ADAMTS12: variants seen among roughly 807,000 people sequenced by gnomAD.
ADAMTS12 encodes A disintegrin and metalloproteinase with thrombospondin motifs 12.
ADAMTS12 carries 118 observed loss-of-function variants against 167.8 expected under a neutral mutation model. That is an observed-to-expected ratio of 0.70 (90% CI 0.61 to 0.82). The LOEUF is 0.82. ADAMTS12 is among the 40% of genes least tolerant of loss of function. The probability of loss-of-function intolerance (pLI) is 0.00; values close to 1 mark genes in which losing one functional copy is unlikely to be tolerated. For missense variants in ADAMTS12, 1,916 were observed against 1,998.8 expected, an observed-to-expected ratio of 0.96 and a Z score of 0.79; for synonymous variants, 704 against 716.9, an observed-to-expected ratio of 0.98 and a Z score of 0.29.
rs547023120 is a variant in ADAMTS12 at position 33,527,048 on chromosome 5, C to T, written c.*140G>A. On this transcript the variant is annotated 3_prime_UTR_variant, in exon 24 of 24. Transcript: ENST00000504830. ...GGGACATTCGGTGGCTAGAGGAACA[C>T]AATGGATTTTGTTTCATCATGACCC... 7.9e-5 allele frequency: 90 copies of T among 1,142,106 alleles called. 1 individual carries two copies. In the South Asian group the frequency reaches 1.3e-3, roughly 16 times the overall value. 70.7% of individuals were successfully genotyped at this position (1,142,106 alleles called of 1,614,324 possible).
chr5:33,740,402 G>A (rs898097564), intron 3 of ADAMTS12, among the ~76,000 whole-genome samples: 1 of 152,164 alleles, frequency 6.6e-6, no homozygotes, highest in African/African-American at 2.4e-5. Flanking sequence ...AAAATGTAGG[G>A]CTCCGGCCTG....
intron 19 of ADAMTS12, among the ~76,000 whole-genome samples, chr5:33,568,417 A>G (rs1056195437): frequency 6.6e-6 from 1 of 152,186 alleles, no homozygotes; most frequent in Middle Eastern, 3.2e-3. Flanking sequence ...ATGACCAATG[A>G]TGTTGATTAC....
At chr5:33,776,110 C>T (rs1412226864) in intron 2 of ADAMTS12, among the ~76,000 whole-genome samples, 2 of 152,092 alleles carry the variant, frequency 1.3e-5, no homozygotes. Context: ...AAATAGACAA[C>T]AATACAATAA....
chr5:33,682,313 A>G (rs917546025), intron 5 of ADAMTS12, among the ~76,000 whole-genome samples: 1 of 152,206 alleles, frequency 6.6e-6, no homozygotes, highest in East Asian at 1.9e-4. Context: ...GGAAGGGAGT[A>G]ATCAAGGTTC....
At chr5:33,613,317 A>G (rs1485969632) in intron 16 of ADAMTS12, among the ~76,000 whole-genome samples, 2 of 152,232 alleles carry the variant, frequency 1.3e-5, no homozygotes, top group African/African-American at 4.8e-5. Context: ...AGCCCCAAGT[A>G]TTCAGCAGGC....
At chr5:33,846,352 G>A (rs1748944273) in intron 2 of ADAMTS12, among the ~76,000 whole-genome samples, 1 of 152,044 alleles carries the variant, frequency 6.6e-6, no homozygotes, top group African/African-American at 2.4e-5. Flanking sequence ...TAAACATCAG[G>A]CTTTCACAGT....
At chr5:33,593,553 A>G (rs1383002236) in intron 17 of ADAMTS12, among the ~76,000 whole-genome samples, 1 of 152,206 alleles carries the variant, frequency 6.6e-6, no homozygotes, top group Non-Finnish European at 1.5e-5. Flanking sequence ...GCATTCTTAA[A>G]AAGTGCTAGT....
rs374198817 is a variant in ADAMTS12, at chr5:33,610,190, GAAC to G, written c.2527+4045_2527+4047del. ...GAATGAAACTCTGTCTCAAACAAAC[GAAC>G]AACAACAGCAACAACAAAAAAGAAA... On this transcript the variant is annotated intron_variant, in intron 16 of 23. Transcript: ENST00000504830. Among the ~76,000 whole-genome samples the G allele has an allele frequency of 2.5e-4, 38 of 151,622 alleles. No homozygotes were observed. In the East Asian group the frequency reaches 6.4e-3, roughly 25 times the overall value.
chr5:33,694,287 A>T (rs1742670287), intron 3 of ADAMTS12, among the ~76,000 whole-genome samples: 1 of 152,254 alleles, frequency 6.6e-6, no homozygotes, highest in African/African-American at 2.4e-5. Flanking sequence ...GTCTGACTTT[A>T]TAACAGAAAA....
chr5:33,643,212 A>C (rs1331949244), intron 10 of ADAMTS12, among the ~76,000 whole-genome samples, 166 bp downstream of exon 10: 2 of 152,204 alleles, frequency 1.3e-5, no homozygotes, highest in Non-Finnish European at 2.9e-5. Context: ...AAGCAGGTTC[A>C]CCAGGAGTGG....
intron 9 of ADAMTS12, among the ~76,000 whole-genome samples, chr5:33,646,534 C>A (rs947632316): frequency 6.6e-6 from 1 of 152,080 alleles, no homozygotes. Context: ...AGTTGGTAAC[C>A]ACACTCGCCC....
chr5:33,849,769 T>C (rs950170098), intron 2 of ADAMTS12, among the ~76,000 whole-genome samples: 1 of 150,064 alleles, frequency 6.7e-6, no homozygotes, highest in African/African-American at 2.4e-5. Context: ...TATATATGTA[T>C]TGCATAGCAA....
intron 23 of ADAMTS12, 93 bp downstream of exon 23, chr5:33,534,740 G>A (rs529565054): frequency 1.4e-6 from 2 of 1,468,156 alleles, no homozygotes; most frequent in Non-Finnish European, 1.8e-6. Flanking sequence ...TTTCTATTCA[G>A]TAAAAGAAAT....
At chr5:33,689,215 C>T (rs1742460286) in intron 3 of ADAMTS12, among the ~76,000 whole-genome samples, 2 of 152,220 alleles carry the variant, frequency 1.3e-5, no homozygotes, top group South Asian at 2.1e-4. Context: ...ATCTTATTGT[C>T]ATTTTAAAAT....
rs1222045106 is a variant in ADAMTS12, at chr5:33,681,919, G to T, written c.915+1099C>A. On this transcript the variant is annotated intron_variant, in intron 5 of 23. Transcript: ENST00000504830. ...GGTCACAGCAAGAAATTTTGAATTTGTTCTAAAAAAAACCCAGAAAGACAT... is the reference window on the plus strand; with the variant it reads ...GGTCACAGCAAGAAATTTTGAATTTTTTCTAAAAAAAACCCAGAAAGACAT... Among the ~76,000 whole-genome samples, 3 of 152,146 alleles carry T rather than the reference G, an allele frequency of 2.0e-5. No homozygotes were observed. The East Asian group carries it at 5.8e-4, about 29-fold the overall frequency.
chr5:33,721,650 C>T (rs919786525), intron 3 of ADAMTS12, among the ~76,000 whole-genome samples: 1 of 152,170 alleles, frequency 6.6e-6, no homozygotes, highest in South Asian at 2.1e-4. Context: ...GCAAAGCAAA[C>T]GCTTGCCCCG....
At chr5:33,643,283 C>T in intron 10 of ADAMTS12, 95 bp downstream of exon 10, 1 of 1,267,024 alleles carries the variant, frequency 7.9e-7, no homozygotes, top group Non-Finnish European at 1.1e-6. Flanking sequence ...CTGCTCTTCC[C>T]TTAGAGAGAG....
intron 3 of ADAMTS12, among the ~76,000 whole-genome samples, chr5:33,743,261 G>A (rs547498051): frequency 1.3e-5 from 2 of 152,296 alleles, no homozygotes; most frequent in East Asian, 3.9e-4. Flanking sequence ...GGGCCAGCAG[G>A]CCTCGGAGGC....
At chr5:33,679,280 C>G (rs1343494532) in intron 5 of ADAMTS12, among the ~76,000 whole-genome samples, 1 of 152,212 alleles carries the variant, frequency 6.6e-6, no homozygotes, top group African/African-American at 2.4e-5. Context: ...AATTTCCTTC[C>G]TGTATTAGTC....
Sources: gnomAD v4.1 joint callset for allele counts (sites outside exome capture counted in the v4.1 genomes callset) on GRCh38, gnomAD v4.1.1 for gene constraint, MANE v1.5 for transcripts, NCBI Gene and HGNC (gene_info 2026-07-23, HGNC 2026-07-21) for gene names.